The following TEX10 variants were observed in gnomAD, a reference collection of about 807,000 sequenced individuals.
TEX10 encodes the protein testis-expressed protein 10.
TEX10 carries 24 observed loss-of-function variants against 104.4 expected under a neutral mutation model. That is an observed-to-expected ratio of 0.23 (90% CI 0.17 to 0.32). TEX10 has a LOEUF of 0.32. Ranked by LOEUF, TEX10 falls within the 10% of genes least tolerant of loss-of-function variation. The pLI is 1.00. For missense variants in TEX10, 921 were observed against 1,083.9 expected (o/e 0.85, Z 2.11); for synonymous variants, 396 against 393.4 (o/e 1.01, Z -0.08).
intron 11 of TEX10, among the ~76,000 whole-genome samples, chr9:100,318,275 A>G (rs1307085078): frequency 2.0e-5 from 3 of 152,260 alleles, no homozygotes; most frequent in Admixed American, 2.0e-4. Context: ...ATGAAATACT[A>G]TTTAGCCATA....
In TEX10 at chr9:100,327,960, T is replaced by A; in HGVS notation, c.1628A>T (p.Tyr543Phe). The change falls in exon 8 of 15, where the codon TAT (tyrosine) becomes TTT (phenylalanine). Residue 543 changes from tyrosine (Y) to phenylalanine (F), a missense_variant and splice_region_variant. By Grantham distance (22) the Tyr-to-Phe change is conservative. This residue lies in a region of TEX10 where 753 missense variants were observed against 868.4 expected (regional missense o/e 0.87). Coordinates refer to ENST00000374902, the MANE Select transcript of TEX10 (RefSeq NM_017746.4). ...CCAACGGGATAACACTTTACTACGA[T>A]ATCTTAGAAAGGCCAAAGAAGAATA... is the stretch of plus-strand genomic sequence containing the variant. ...TEELRSCRFRYRSKVLSRWLA... is the reference protein window; with the variant it reads ...TEELRSCRFRFRSKVLSRWLA... The A allele has an allele frequency of 1.3e-6, 2 of 1,547,534 alleles. No homozygotes were observed. The highest frequency in any genetic ancestry group is 1.8e-6 in the Non-Finnish European group (2 of 1,137,132).
intron 1 of TEX10, chr9:100,352,357 G>A (rs1835475531): frequency 6.4e-7 from 1 of 1,551,384 alleles, no homozygotes; most frequent in East Asian, 2.4e-5. Context: ...GGACGGAACA[G>A]GGGACGCCAG....
chr9:100,351,343 A>C (rs2118948342), intron 1 of TEX10, among the ~76,000 whole-genome samples: 1 of 119,476 alleles, frequency 8.4e-6, no homozygotes, highest in Non-Finnish European at 1.6e-5. Context: ...TCTCACCCAC[A>C]CCTCTAGTTA....
intron 13 of TEX10, chr9:100,306,017 CAA>C (rs1834134356): frequency 6.6e-6 from 1 of 151,930 alleles, no homozygotes; most frequent in Non-Finnish European, 1.5e-5. Context: ...ATGGAACTAA[CAA>C]GAACTTTAAA....
intron 13 of TEX10, chr9:100,304,140 G>T: frequency 4.7e-6 from 2 of 424,188 alleles, no homozygotes; most frequent in Non-Finnish European, 8.8e-6. Flanking sequence ...TCATGAATTG[G>T]AATAATCAGT....
At chr9:100,311,101 A>G (rs1359043332) in intron 11 of TEX10, among the ~76,000 whole-genome samples, 1 of 152,170 alleles carries the variant, frequency 6.6e-6, no homozygotes, top group Non-Finnish European at 1.5e-5. Flanking sequence ...CAACATTATT[A>G]AGAAACGTTT....
At chr9:100,339,191 T>C (rs2118913020) in intron 5 of TEX10, among the ~76,000 whole-genome samples, 1 of 127,482 alleles carries the variant, frequency 7.8e-6, no homozygotes, top group South Asian at 2.6e-4. Flanking sequence ...GAGGCAGAGG[T>C]TGCAGTAAGC....
chr9:100,324,139 T>A (rs561167627), intron 9 of TEX10, among the ~76,000 whole-genome samples: 37 of 152,054 alleles, frequency 2.4e-4, no homozygotes, highest in Middle Eastern at 3.4e-3. Context: ...TTCAAGCAAT[T>A]CTCCTGCCTC....
At position 100,330,048 on chromosome 9, in the gene TEX10, C is replaced by A. The variant is rs1564212500; in HGVS notation, c.1372G>T (p.Glu458Ter). The change falls in exon 6 of 15, where the codon GAA (glutamate) becomes TAA (stop). Residue 458 changes from glutamate to a stop codon, truncating the protein, a stop_gained. Transcript: ENST00000374902. LOFTEE classifies it high-confidence loss of function. ...STLQKDCSWI[E>*]MIRKFVTETL... Reference sequence around the variant, plus strand: ...TCTGTTACAAATTTCCTTATCATTTCTATCCAACTGCAATCCTTCTGCAAA... The same window carrying A: ...TCTGTTACAAATTTCCTTATCATTTATATCCAACTGCAATCCTTCTGCAAA... 6.2e-7 allele frequency: 1 copy of A among 1,614,140 alleles called. No homozygotes were observed.
chr9:100,323,808 T>A (rs1834635444), intron 9 of TEX10, among the ~76,000 whole-genome samples: 1 of 152,116 alleles, frequency 6.6e-6, no homozygotes, highest in African/African-American at 2.4e-5. Flanking sequence ...CACAGACCAA[T>A]TAGTGTGACA....
intron 2 of TEX10, among the ~76,000 whole-genome samples, chr9:100,347,814 T>C (rs1405019104): frequency 6.6e-6 from 1 of 152,124 alleles, no homozygotes; most frequent in Non-Finnish European, 1.5e-5. Context: ...CAGAGTATAC[T>C]ACCTGACAAT....
At chr9:100,342,654 C>G (rs753666854) in intron 4 of TEX10, among the ~76,000 whole-genome samples, 2 of 152,096 alleles carry the variant, frequency 1.3e-5, no homozygotes, top group African/African-American at 4.8e-5. Flanking sequence ...TGTTTGGTTA[C>G]AAACTCTAAC....
intron 1 of TEX10, among the ~76,000 whole-genome samples, chr9:100,350,388 T>C (rs1340300554): frequency 1.3e-5 from 2 of 152,204 alleles, no homozygotes; most frequent in Non-Finnish European, 2.9e-5. Context: ...AGCTGTTCTA[T>C]TCCTCATACA....
intron 5 of TEX10, among the ~76,000 whole-genome samples, chr9:100,336,711 G>A (rs1835019052): frequency 6.6e-6 from 1 of 152,090 alleles, no homozygotes; most frequent in African/African-American, 2.4e-5. Flanking sequence ...CCCACCTCAG[G>A]TCCATGGAAA....
intron 1 of TEX10, 100 bp from the exon 2 acceptor site, chr9:100,349,472 T>C (rs906135907): frequency 1.1e-5 from 8 of 697,458 alleles, no homozygotes; most frequent in African/African-American, 1.9e-5. Flanking sequence ...TTTATTTCAA[T>C]CGTAATCAAG....
chr9:100,324,847 T>A (rs1834662775), intron 9 of TEX10, among the ~76,000 whole-genome samples: 1 of 152,076 alleles, frequency 6.6e-6, no homozygotes, highest in African/African-American at 2.4e-5. Context: ...TACGGAAAAT[T>A]TTTTTTAAAA....
intron 14 of TEX10, 129 bp downstream of exon 14, chr9:100,303,503 A>C: frequency 1.1e-6 from 1 of 895,170 alleles, no homozygotes; most frequent in Non-Finnish European, 1.7e-6. Context: ...AAACTACCAT[A>C]TTGGGATTAA....
chr9:100,304,980 T>G (rs1336951335), intron 13 of TEX10: 2 of 152,146 alleles, frequency 1.3e-5, no homozygotes, highest in Admixed American at 6.5e-5. Context: ...CTATCCACAT[T>G]TCAATAAACA....
At chr9:100,315,032 T>C (rs1460834617) in intron 11 of TEX10, among the ~76,000 whole-genome samples, 2 of 152,230 alleles carry the variant, frequency 1.3e-5, no homozygotes, top group South Asian at 2.1e-4. Context: ...TTGCAATACA[T>C]TAATGCAAAA....
Sources: gnomAD v4.1 joint callset for allele counts (sites outside exome capture counted in the v4.1 genomes callset) on GRCh38, gnomAD v4.1.1 for gene constraint, gnomAD v4.1.1 regional missense constraint, MANE v1.5 for transcripts, NCBI Gene and HGNC (gene_info 2026-07-23, HGNC 2026-07-21) for gene names.